The following RPH3AL variants were observed in gnomAD, a reference collection of about 807,000 sequenced individuals.
RPH3AL encodes rab effector Noc2.
RPH3AL carries 38 observed loss-of-function variants against 43.1 expected under a neutral mutation model. The ratio of observed to expected loss-of-function variants is 0.88; its 90% CI spans 0.68 to 1.15. The LOEUF is 1.15. RPH3AL is among the 50% of genes most tolerant of loss of function. RPH3AL has a pLI of 0.00. For synonymous variants in RPH3AL, 189 were observed against 176.3 expected, an observed-to-expected ratio of 1.07 and a Z score of -0.57; for missense variants, 462 against 423.2, an observed-to-expected ratio of 1.09 and a Z score of -0.81.
In RPH3AL at chr17:215,262, G is replaced by A. The variant is rs537002751; in HGVS notation, c.876+392C>T. ...GGCTGGGCCCAGCAGGTGCAGGGCA[G>A]GGTGGGAGCCCAGGATTCTCCCCTC... On this transcript the variant is annotated intron_variant, in intron 9 of 9. Coordinates refer to ENST00000331302, the MANE Select transcript of RPH3AL (RefSeq NM_006987.4). The surrounding 1 kb of genome is among the most constrained non-coding windows in gnomAD (Gnocchi z 4.1). Among the ~76,000 whole-genome samples the A allele has an allele frequency of 2.3e-4, 35 of 152,278 alleles. No individual in the cohort carries two copies. The highest frequency in any genetic ancestry group is 4.3e-4 in the Non-Finnish European group (29 of 68,000).
chr17:223,019 A>G (rs1473238069), intron 7 of RPH3AL, among the ~76,000 whole-genome samples: 4 of 152,076 alleles, frequency 2.6e-5, no homozygotes, highest in Admixed American at 2.0e-4. Flanking sequence ...GTGAAACCCC[A>G]TCTCTACTAA....
At chr17:242,011 G>C (rs1305417478) in intron 7 of RPH3AL, among the ~76,000 whole-genome samples, 1 of 152,082 alleles carries the variant, frequency 6.6e-6, no homozygotes, top group Non-Finnish European at 1.5e-5. Context: ...CAGCTATTCA[G>C]GAGGCTAAGA....
intron 1 of RPH3AL, chr17:339,359 G>A (rs2045051667): frequency 6.6e-6 from 1 of 152,376 alleles, no homozygotes; most frequent in Non-Finnish European, 1.5e-5. Flanking sequence ...CAGGGGGAAG[G>A]GTCAGACAGA....
intron 6 of RPH3AL, among the ~76,000 whole-genome samples, chr17:248,097 T>A (rs1445456591): frequency 6.6e-6 from 1 of 152,070 alleles, no homozygotes; most frequent in Non-Finnish European, 1.5e-5. Context: ...TGGGATGGAC[T>A]CTCCCAGCCA....
chr17:342,494 T>C lies in RPH3AL; in HGVS notation c.-212-8560A>G, dbSNP rs1194801997. 2.0e-5 allele frequency among the ~76,000 whole-genome samples: 3 copies of C among 152,180 alleles called. No homozygotes were observed. In the East Asian group the frequency reaches 5.8e-4, roughly 29 times the overall value. On this transcript the variant is annotated intron_variant, in intron 1 of 9. Coordinates refer to ENST00000331302, the MANE Select transcript of RPH3AL (RefSeq NM_006987.4). ...TGGGAAAAGGACAAACAAAATATGG[T>C]GTATCCACACAAAAGGATATTATTT...
At chr17:314,397 A>T (rs1316645728) in intron 5 of RPH3AL, among the ~76,000 whole-genome samples, 1 of 151,584 alleles carries the variant, frequency 6.6e-6, no homozygotes, top group Non-Finnish European at 1.5e-5. Flanking sequence ...GCCATTCCCA[A>T]GTCTCTGTGC....
chr17:222,337 C>T (rs935594471), intron 7 of RPH3AL, among the ~76,000 whole-genome samples: 1 of 152,254 alleles, frequency 6.6e-6, no homozygotes, highest in Admixed American at 6.5e-5. Flanking sequence ...CTGCTCACAA[C>T]CCTCTGATTT....
At chr17:348,535 GAAA>G (rs56974223) in intron 1 of RPH3AL, among the ~76,000 whole-genome samples, 1 of 139,682 alleles carries the variant, frequency 7.2e-6, no homozygotes, top group Non-Finnish European at 1.6e-5. Flanking sequence ...CACTGTTCAA[GAAA>G]AAAAAAAAAA....
rs563907327 is a variant in RPH3AL, at chr17:274,279, G to A, written c.438+7489C>T. On this transcript the variant is annotated intron_variant, in intron 6 of 9. Transcript: ENST00000331302. The surrounding 1 kb of genome is among the most constrained non-coding windows in gnomAD (Gnocchi z 4.7). ...AGCACCAGGCTCCACATCAGGTGAG[G>A]GGATGAGGCGGGAGACGGGAGGCGT... Among the ~76,000 whole-genome samples, 3 of 152,338 alleles carry A rather than the reference G, an allele frequency of 2.0e-5. No individual in the cohort carries two copies. In the East Asian group the frequency reaches 5.8e-4, roughly 29 times the overall value.
chr17:221,790 A>G (rs2040986864), intron 7 of RPH3AL, among the ~76,000 whole-genome samples: 4 of 111,140 alleles, frequency 3.6e-5, no homozygotes, highest in Admixed American at 8.4e-5. Flanking sequence ...CACTGAGACA[A>G]TAGACCCAAG....
intron 4 of RPH3AL, among the ~76,000 whole-genome samples, chr17:320,799 C>CAA (rs1224131419): frequency 6.6e-6 from 1 of 152,234 alleles, no homozygotes; most frequent in African/African-American, 2.4e-5. Flanking sequence ...AAACACTGGA[C>CAA]ACGATGGAAG....
chr17:215,722 C>G lies in RPH3AL; in HGVS notation c.808G>C (p.Gly270Arg), dbSNP rs1453170084. 6 of 1,301,202 alleles carry G rather than the reference C, an allele frequency of 4.6e-6. No homozygotes were observed. The highest frequency in any genetic ancestry group is 5.9e-6 in the Non-Finnish European group (6 of 1,021,296). 80.6% of individuals were successfully genotyped at this position (1,301,202 alleles called of 1,614,324 possible). The change falls in exon 9 of 10, where the codon GGT becomes CGT. Residue 270 changes from glycine to arginine, a missense_variant. Gly to Arg is a moderately radical substitution (Grantham distance 125). Transcript: ENST00000331302. The surrounding 1 kb of genome is among the most constrained non-coding windows in gnomAD (Gnocchi z 4.1). The stretch of plus-strand genomic sequence containing the variant: ...TCAGCAGAGCCTGTCCCCGTCTCAC[C>G]ACTGGCCAGGCTGCTCTGGCACCCA... Reference protein sequence around the residue: ...LSGCQSSLASGETGTGSADPP... With the variant: ...LSGCQSSLASRETGTGSADPP...
intron 6 of RPH3AL, among the ~76,000 whole-genome samples, chr17:262,749 G>A (rs782340509): frequency 8.6e-5 from 13 of 151,984 alleles, no homozygotes; most frequent in Non-Finnish European, 1.8e-4. Context: ...TTTATCTAAC[G>A]CCCACACACC....
chr17:321,275 A>G lies in RPH3AL; in HGVS notation c.218T>C (p.Ile73Thr), dbSNP rs1398074412. 1 of 1,606,524 alleles carries G rather than the reference A, an allele frequency of 6.2e-7. No homozygotes were observed. The highest frequency in any genetic ancestry group is 8.5e-7 in the Non-Finnish European group (1 of 1,179,200). The change falls in exon 4 of 10, where the codon ATC becomes ACC. Residue 73 changes from isoleucine to threonine, a missense_variant. By Grantham distance (89) the Ile-to-Thr change is moderately conservative (BLOSUM62 -1). Transcript: ENST00000331302. ...ERLDVLEQQR[I>T]GRLVERLETM... is the part of the protein sequence containing the mutation. ...GCTGGCCCCGGCCCCGCCTCACCCG[A>G]TTCTCTGCTGCTCCAGGACGTCGAG...
Position 247,122 on chromosome 17 carries a change from G to C in RPH3AL, c.602C>G (p.Ala201Gly), listed in dbSNP as rs1555540333. Residue 201 changes from alanine to glycine, a missense_variant, in exon 7 of 10, where the codon GCC (alanine) becomes GGC (glycine). Physicochemically the swap from Ala to Gly is moderately conservative, Grantham distance 60 (BLOSUM62 0). Transcript: ENST00000331302. ...CAGAGGGGACTTACCTCTTCCTCGG[G>C]CCCACGTGTAGATGCGGCTGGTCTC... ...SSETSRIYTW[A>G]RGRVVSSDSD... 1.2e-6 allele frequency: 2 copies of C among 1,614,154 alleles called. No individual in the cohort carries two copies. The highest frequency in any genetic ancestry group is 1.7e-6 in the Non-Finnish European group (2 of 1,180,030).
chr17:246,388 G>GCC lies in RPH3AL; in HGVS notation c.613+721_613+722dup, dbSNP rs1483797450. The stretch of plus-strand genomic sequence containing the variant: ...CAGATGCCAGAGAGGGTAAGAGCCT[G>GCC]CCCTTGGATCCCAGCTCGGCCACAC... On this transcript the variant is annotated intron_variant, in intron 7 of 9. Coordinates refer to ENST00000331302, the MANE Select transcript of RPH3AL (RefSeq NM_006987.4). This position sits in a 1 kb window ranked among gnomAD's most constrained non-coding sequence, Gnocchi z 4.8. Among the ~76,000 whole-genome samples, 1 of 152,142 alleles carries GCC rather than the reference G, an allele frequency of 6.6e-6. No homozygotes were observed. Among genetic ancestry groups the GCC allele is most frequent in the Non-Finnish European group, 1.5e-5 (1 of 68,028 alleles).
At chr17:226,654 T>G (rs1216739312) in intron 7 of RPH3AL, among the ~76,000 whole-genome samples, 1 of 152,182 alleles carries the variant, frequency 6.6e-6, no homozygotes, top group Non-Finnish European at 1.5e-5. Context: ...TGTTCCTGGC[T>G]TCCTCGGGCT....
At chr17:317,322 G>A (rs1348621742) in intron 5 of RPH3AL, among the ~76,000 whole-genome samples, 1 of 145,486 alleles carries the variant, frequency 6.9e-6, no homozygotes, top group Non-Finnish European at 1.5e-5. Context: ...TTTAGTCCAT[G>A]TGCCCCACCT....
intron 7 of RPH3AL, among the ~76,000 whole-genome samples, chr17:223,932 AC>A (rs937855567): frequency 2.1e-4 from 31 of 150,334 alleles, no homozygotes; most frequent in Admixed American, 4.6e-4. Flanking sequence ...CAGTAGGTTC[AC>A]CCCCAGCAGA....
Sources: gnomAD v4.1 joint callset for allele counts (sites outside exome capture counted in the v4.1 genomes callset) on GRCh38, gnomAD v4.1.1 for gene constraint, Gnocchi (gnomAD v3.1) non-coding constraint, MANE v1.5 for transcripts, NCBI Gene and HGNC (gene_info 2026-07-23, HGNC 2026-07-21) for gene names.